Variants in ZNF423 observed in about 807,000 individuals in gnomAD.
The protein encoded by ZNF423 is zinc finger protein 423, also known as Ebf-associated zinc finger protein.
A neutral mutation model predicts 95.8 loss-of-function variants in ZNF423; 12 were observed. That is an observed-to-expected ratio of 0.13 (90% CI 0.08 to 0.20). ZNF423 has a LOEUF of 0.20. ZNF423 is among the 10% of genes least tolerant of loss of function. ZNF423 has a pLI of 1.00. For synonymous variants in ZNF423, 749 were observed against 711.9 expected (o/e 1.05, Z -0.83); for missense variants, 1,316 against 1,737.1 (o/e 0.76, Z 4.31).
chr16:49,596,114 T>C (rs1277266686), intron 5 of ZNF423, among the ~76,000 whole-genome samples: 1 of 152,170 alleles, frequency 6.6e-6, no homozygotes, highest in African/African-American at 2.4e-5. Context: ...ACATAAAATA[T>C]ACAACTGCAA....
At chr16:49,689,782 T>G (rs2031710193) in intron 3 of ZNF423, among the ~76,000 whole-genome samples, 1 of 152,156 alleles carries the variant, frequency 6.6e-6, no homozygotes, top group South Asian at 2.1e-4. Flanking sequence ...GCATCCAGGC[T>G]GGAGATGCAT....
chr16:49,724,975 C>T (rs373301683), intron 3 of ZNF423, among the ~76,000 whole-genome samples: 3 of 152,280 alleles, frequency 2.0e-5, no homozygotes, highest in Non-Finnish European at 4.4e-5. Flanking sequence ...TTTGAAATTG[C>T]TCACAGTCCC....
At chr16:49,707,521 G>T (rs1253774061) in intron 3 of ZNF423, among the ~76,000 whole-genome samples, 1 of 151,508 alleles carries the variant, frequency 6.6e-6, no homozygotes, top group Non-Finnish European at 1.5e-5. Context: ...GGAGGCTGAG[G>T]CAGGAGAATC....
intron 5 of ZNF423, among the ~76,000 whole-genome samples, chr16:49,598,705 G>C (rs1251343789): frequency 1.3e-5 from 2 of 152,254 alleles, no homozygotes; most frequent in African/African-American, 2.4e-5. Flanking sequence ...ACACCTGAAA[G>C]TCCAAGGTAA....
intron 5 of ZNF423, among the ~76,000 whole-genome samples, chr16:49,576,402 C>T (rs1259872833): frequency 1.3e-5 from 2 of 152,182 alleles, no homozygotes; most frequent in Non-Finnish European, 2.9e-5. Context: ...TGGGCACTGC[C>T]AGGTGCCCTG....
At chr16:49,534,918 G>A (rs941827997) in intron 5 of ZNF423, among the ~76,000 whole-genome samples, 3 of 152,054 alleles carry the variant, frequency 2.0e-5, no homozygotes, top group East Asian at 3.9e-4. Context: ...TTCCTACTTC[G>A]GGCCATATGA....
intron 4 of ZNF423, 32 bp from the exon 5 acceptor site, chr16:49,626,286 G>T: frequency 6.2e-7 from 1 of 1,608,092 alleles, no homozygotes. Context: ...AAGATTTAGA[G>T]AGGCAGGAGG....
chr16:49,740,888 C>T (rs1340022492), intron 2 of ZNF423, among the ~76,000 whole-genome samples: 3 of 152,240 alleles, frequency 2.0e-5, no homozygotes, highest in East Asian at 3.8e-4. Flanking sequence ...TGATGGCAAT[C>T]GCCTCCTTCA....
intron 5 of ZNF423, among the ~76,000 whole-genome samples, chr16:49,604,690 T>A (rs1200264954): frequency 6.6e-6 from 1 of 152,050 alleles, no homozygotes; most frequent in African/African-American, 2.4e-5. Flanking sequence ...CAACTTCCAG[T>A]CTGGCCATCT....
At chr16:49,518,492 C>A in intron 7 of ZNF423, 1 of 436,182 alleles carries the variant, frequency 2.3e-6, no homozygotes. Context: ...CCTATCTCTG[C>A]ATTCTCCTTT....
Position 49,491,276 on chromosome 16 carries a change from C to G in ZNF423, c.3878G>C (p.Ter1293SerextTer39). ...AGAGGTGTCCTGTTGAGCGATCCCT[C>G]ACTGTGCGTGCTGGCTCATCGTGTG... Reference protein sequence around the residue: ...QNHTMSQHAQ* With the variant: ...QNHTMSQHAQS Residue 1293 changes from the stop codon to serine, a stop_lost, in exon 8 of 8, where the codon TGA becomes TCA. Transcript: ENST00000563137. 6.2e-7 allele frequency: 1 copy of G among 1,614,114 alleles called. No individual in the cohort carries two copies. Among genetic ancestry groups the G allele is most frequent in the Non-Finnish European group, 8.5e-7 (1 of 1,180,040 alleles).
chr16:49,611,320 G>A (rs1971714373), intron 5 of ZNF423, among the ~76,000 whole-genome samples: 1 of 151,830 alleles, frequency 6.6e-6, no homozygotes, highest in Non-Finnish European at 1.5e-5. Flanking sequence ...CTATCACAAT[G>A]GAACCAAACT....
At chr16:49,789,393 A>T in intron 2 of ZNF423, 94 bp downstream of exon 2, 1 of 1,265,852 alleles carries the variant, frequency 7.9e-7, no homozygotes, top group Non-Finnish European at 1.1e-6. Context: ...GACACGAAGA[A>T]TATCATTTCC....
At position 49,637,373 on chromosome 16, in the gene ZNF423, C is replaced by A. The variant is rs200223631; in HGVS notation, c.1803G>T (p.Leu601=). The A allele has an allele frequency of 8.1e-6, 13 of 1,614,220 alleles. No individual in the cohort carries two copies. Among genetic ancestry groups the A allele is most frequent in the Non-Finnish European group, 1.0e-5 (12 of 1,180,054 alleles). The part of the protein sequence containing the change: ...HIKENHKNIP[L]AHSKKSKAEQ... Reference sequence around the variant, plus strand: ...CGGCCTTGGACTTCTTGCTGTGGGCCAGTGGAATGTTCTTGTGGTTCTCCT... The same window carrying A: ...CGGCCTTGGACTTCTTGCTGTGGGCAAGTGGAATGTTCTTGTGGTTCTCCT... Residue 601 remains leucine, a synonymous_variant, in exon 4 of 8, where the codon CTG becomes CTT. Coordinates refer to ENST00000563137, the MANE Select transcript of ZNF423 (RefSeq NM_001379286.1). This position sits in a 1 kb window ranked among gnomAD's most constrained non-coding sequence, Gnocchi z 5.6.
At chr16:49,521,727 A>G (rs1015127931) in intron 7 of ZNF423, among the ~76,000 whole-genome samples, 9 of 152,236 alleles carry the variant, frequency 5.9e-5, no homozygotes, top group Non-Finnish European at 1.3e-4. Flanking sequence ...GAGCACCGTA[A>G]GGATGAAAAG....
chr16:49,679,246 G>T (rs2031249048), intron 3 of ZNF423, among the ~76,000 whole-genome samples: 1 of 152,246 alleles, frequency 6.6e-6, no homozygotes, highest in Non-Finnish European at 1.5e-5. Flanking sequence ...AGCTGCAGTT[G>T]GGGAGGCATG....
intron 1 of ZNF423, among the ~76,000 whole-genome samples, chr16:49,846,594 C>T (rs1202100896): frequency 6.6e-6 from 1 of 152,178 alleles, no homozygotes; most frequent in African/African-American, 2.4e-5. Flanking sequence ...ACTGAGAACC[C>T]GTGCACTGCT....
At chr16:49,515,122 C>T (rs1968082883) in intron 7 of ZNF423, among the ~76,000 whole-genome samples, 1 of 152,272 alleles carries the variant, frequency 6.6e-6, no homozygotes, top group Admixed American at 6.5e-5. Flanking sequence ...CCAAGCCCAG[C>T]CTAAGCCAAA....
rs1425369895 is a variant in ZNF423 at position 49,518,363 on chromosome 16, T to C, written c.3849+5261A>G. 9.3e-6 allele frequency: 4 copies of C among 428,986 alleles called. No individual in the cohort carries two copies. The East Asian group carries it at 2.8e-4, about 30-fold the overall frequency. The allele number at this position is 428,986 out of a possible 1,614,324, so 26.6% of individuals were successfully genotyped here. A position where few individuals can be genotyped will look rare whatever the true frequency, so the allele number is the denominator to read the frequency against. On this transcript the variant is annotated intron_variant, in intron 7 of 7. Transcript: ENST00000563137. The stretch of plus-strand genomic sequence containing the variant: ...GACAATCTTTCCACAAAGAATATCA[T>C]AAAAATGACAACGGGAACCACAGTT...
Sources: gnomAD v4.1 joint callset for allele counts (sites outside exome capture counted in the v4.1 genomes callset) on GRCh38, gnomAD v4.1.1 for gene constraint, Gnocchi (gnomAD v3.1) non-coding constraint, MANE v1.5 for transcripts, NCBI Gene and HGNC (gene_info 2026-07-23, HGNC 2026-07-21) for gene names.